The following KCNIP4 variants were observed in gnomAD, a reference collection of about 807,000 sequenced individuals.
KCNIP4 encodes potassium voltage-gated channel interacting protein 4.
Under a neutral mutation model 34.0 loss-of-function variants are expected in KCNIP4, and 12 were observed. That is an observed-to-expected ratio of 0.35 (90% CI 0.23 to 0.57). KCNIP4 has a LOEUF of 0.57. Among genes scored for constraint, KCNIP4 ranks in the 20% least tolerant of loss-of-function variants. The probability of loss-of-function intolerance (pLI) is 0.83; values close to 1 mark genes in which losing one functional copy is unlikely to be tolerated. For missense variants in KCNIP4, 238 were observed against 311.7 expected (o/e 0.76, Z 1.78); for synonymous variants, 124 against 102.2 (o/e 1.21, Z -1.29).
At chr4:21,304,375 G>C (rs933729479) in intron 1 of KCNIP4, among the ~76,000 whole-genome samples, 13 of 152,180 alleles carry the variant, frequency 8.5e-5, no homozygotes, top group Admixed American at 5.2e-4. Context: ...GAGGAAACAT[G>C]AGGCCCGGCG....
intron 1 of KCNIP4, among the ~76,000 whole-genome samples, chr4:21,707,656 G>C (rs974603876): frequency 6.6e-6 from 1 of 151,992 alleles, no homozygotes; most frequent in Admixed American, 6.6e-5. Flanking sequence ...AGCCCTGAGA[G>C]TCAGAGACAG....
chr4:21,426,672 A>T (rs1725953701), intron 1 of KCNIP4, among the ~76,000 whole-genome samples: 1 of 152,190 alleles, frequency 6.6e-6, no homozygotes, highest in African/African-American at 2.4e-5. Context: ...CGTTTAAGGG[A>T]ACAGTCAGAG....
intron 1 of KCNIP4, among the ~76,000 whole-genome samples, chr4:21,674,381 T>C (rs1368810021): frequency 6.6e-6 from 1 of 152,198 alleles, no homozygotes; most frequent in Non-Finnish European, 1.5e-5. Flanking sequence ...TAAACTGATC[T>C]GAATACTTCT....
At position 21,139,980 on chromosome 4, in the gene KCNIP4, T is replaced by C. The variant is rs140702341; in HGVS notation, c.62-257271A>G. Among the ~76,000 whole-genome samples, 224 of 152,290 alleles carry C rather than the reference T, an allele frequency of 1.5e-3. 2 individuals carry two copies. The highest frequency in any genetic ancestry group is 6.5e-4 in the Non-Finnish European group (44 of 68,026). On this transcript the variant is annotated intron_variant, in intron 1 of 8. Transcript: ENST00000382152. ...ATACTGAGCTTCTCACACTGGGCTATGTATCAAGTCAAAGTTACAGGATAG... is the reference window on the plus strand; with the variant it reads ...ATACTGAGCTTCTCACACTGGGCTACGTATCAAGTCAAAGTTACAGGATAG...
At chr4:20,837,856 T>C (rs533221509) in intron 3 of KCNIP4, among the ~76,000 whole-genome samples, 3 of 150,968 alleles carry the variant, frequency 2.0e-5, no homozygotes, top group Admixed American at 1.3e-4. Context: ...AAATTTTTTT[T>C]TTTTTGTATT....
intron 1 of KCNIP4, among the ~76,000 whole-genome samples, chr4:20,966,066 A>C (rs975232095): frequency 6.6e-6 from 1 of 152,220 alleles, no homozygotes. Context: ...TAATGTTTAG[A>C]AGTTTCTGCT....
In KCNIP4 at chr4:21,519,522, GTGTGTA is replaced by G. The variant is rs1312861893; in HGVS notation, c.61+429043_61+429048del. 2.9e-5 allele frequency among the ~76,000 whole-genome samples: 3 copies of G among 104,084 alleles called. 1 individual carries two copies. Among genetic ancestry groups the G allele is most frequent in the Non-Finnish European group, 4.0e-5 (2 of 49,564 alleles). 68.3% of individuals were successfully genotyped at this position (104,084 alleles called of 152,430 possible). On this transcript the variant is annotated intron_variant, in intron 1 of 8. Coordinates refer to ENST00000382152, the MANE Select transcript of KCNIP4 (RefSeq NM_025221.6). ...TATGTGTATGTGTATATACACATAT[GTGTGTA>G]TGTGTATGTGTATATACACATATGT...
chr4:21,126,782 G>GC (rs1338437447), intron 1 of KCNIP4, among the ~76,000 whole-genome samples: 1 of 152,120 alleles, frequency 6.6e-6, no homozygotes, highest in African/African-American at 2.4e-5. Context: ...TAGACAAAAA[G>GC]CAAGTAGCAA....
chr4:21,616,411 G>A (rs567487596), intron 1 of KCNIP4, among the ~76,000 whole-genome samples: 3 of 152,090 alleles, frequency 2.0e-5, no homozygotes, highest in Admixed American at 6.5e-5. Flanking sequence ...CAGCACCACC[G>A]GTGCAGAAGT....
At chr4:21,059,043 A>G (rs1309849678) in intron 1 of KCNIP4, among the ~76,000 whole-genome samples, 1 of 152,146 alleles carries the variant, frequency 6.6e-6, no homozygotes, top group Non-Finnish European at 1.5e-5. Context: ...GCCTGCTGCC[A>G]TGTAAGACGT....
At chr4:21,827,072 C>T (rs1722719776) in intron 1 of KCNIP4, among the ~76,000 whole-genome samples, 1 of 151,022 alleles carries the variant, frequency 6.6e-6, no homozygotes, top group Non-Finnish European at 1.5e-5. Flanking sequence ...TAGTAGATCC[C>T]CCCTAAAAGT....
At chr4:20,901,182 A>C (rs916030661) in intron 1 of KCNIP4, among the ~76,000 whole-genome samples, 1 of 152,250 alleles carries the variant, frequency 6.6e-6, no homozygotes, top group Admixed American at 6.5e-5. Context: ...TAATCATGAA[A>C]AGAAAACAGT....
chr4:21,508,365 G>A (rs1734024636), intron 1 of KCNIP4, among the ~76,000 whole-genome samples: 1 of 152,138 alleles, frequency 6.6e-6, no homozygotes, highest in Non-Finnish European at 1.5e-5. Context: ...AAACAACTCA[G>A]GGTTCCAAGC....
chr4:21,790,960 C>T (rs1002041137), intron 1 of KCNIP4, among the ~76,000 whole-genome samples: 5 of 98,980 alleles, frequency 5.1e-5, no homozygotes, highest in Non-Finnish European at 6.3e-5. Flanking sequence ...TATTTGCCTG[C>T]GCACTCCACA....
chr4:21,636,813 A>G (rs1746209078), intron 1 of KCNIP4, among the ~76,000 whole-genome samples: 1 of 152,246 alleles, frequency 6.6e-6, no homozygotes, highest in African/African-American at 2.4e-5. Flanking sequence ...CAGAAGCTAC[A>G]ACAAATTACT....
chr4:21,063,179 C>T (rs972046745), intron 1 of KCNIP4, among the ~76,000 whole-genome samples: 1 of 152,114 alleles, frequency 6.6e-6, no homozygotes, highest in African/African-American at 2.4e-5. Flanking sequence ...GGAACTGACT[C>T]TACTGACACC....
intron 1 of KCNIP4, among the ~76,000 whole-genome samples, chr4:21,746,701 C>A (rs1400884475): frequency 1.3e-5 from 2 of 151,984 alleles, no homozygotes; most frequent in African/African-American, 4.8e-5. Flanking sequence ...TTGAACCAAT[C>A]TAAGGGCTCA....
chr4:21,074,125 T>G (rs1745241869), intron 1 of KCNIP4, among the ~76,000 whole-genome samples: 1 of 152,202 alleles, frequency 6.6e-6, no homozygotes, highest in Non-Finnish European at 1.5e-5. Context: ...TTGCCAGGCT[T>G]TGGTATCAGG....
chr4:21,776,979 G>T (rs770006326), intron 1 of KCNIP4, among the ~76,000 whole-genome samples: 1 of 151,998 alleles, frequency 6.6e-6, no homozygotes, highest in Non-Finnish European at 1.5e-5. Flanking sequence ...CACCATATTG[G>T]CCAGGCTGGT....
Sources: gnomAD v4.1 joint callset for allele counts (sites outside exome capture counted in the v4.1 genomes callset) on GRCh38, gnomAD v4.1.1 for gene constraint, MANE v1.5 for transcripts, NCBI Gene and HGNC (gene_info 2026-07-23, HGNC 2026-07-21) for gene names.